Variants in TP73 observed in about 807,000 individuals in gnomAD.
The protein encoded by TP73 is p53-like transcription factor.
A neutral mutation model predicts 62.5 loss-of-function variants in TP73; 25 were observed. That is an observed-to-expected ratio of 0.40 (90% confidence interval 0.29 to 0.56). The LOEUF (loss-of-function observed/expected upper bound fraction) is 0.56. Among genes scored for constraint, TP73 ranks in the 20% least tolerant of loss-of-function variants. The pLI is 0.46. For synonymous variants in TP73, 423 were observed against 377.5 expected (o/e 1.12, Z -1.40); for missense variants, 754 against 913.3 (o/e 0.83, Z 2.25).
At chr1:3,730,850 T>C in intron 11 of TP73, 77 bp from the exon 12 acceptor site, 1 of 1,486,294 alleles carries the variant, frequency 6.7e-7, no homozygotes, top group Non-Finnish European at 9.0e-7. Flanking sequence ...TGTCCAGAGG[T>C]GTCTGGAGCC....
intron 13 of TP73, 117 bp from the exon 14 acceptor site, chr1:3,732,630 T>G (rs1386838710): frequency 2.2e-6 from 2 of 898,612 alleles, no homozygotes; most frequent in East Asian, 5.3e-5. Context: ...TCCTGCCTAC[T>G]CTGGTTGGGG....
chr1:3,732,637 G>T, intron 13 of TP73, 110 bp from the exon 14 acceptor site: 1 of 952,688 alleles, frequency 1.0e-6, no homozygotes, highest in African/African-American at 1.6e-5. Context: ...TACTCTGGTT[G>T]GGGGTGTAGG....
rs1570664256 is a variant in TP73, at chr1:3,733,382, T to G, written c.*303T>G. 2.2e-6 allele frequency: 1 copy of G among 459,060 alleles called. No individual in the cohort carries two copies. Among genetic ancestry groups the G allele is most frequent in the Non-Finnish European group, 3.9e-6 (1 of 255,408 alleles). The allele number at this position is 459,060 out of a possible 1,614,324, so 28.4% of individuals were successfully genotyped here. A position where few individuals can be genotyped will look rare whatever the true frequency, so the allele number is the denominator to read the frequency against. The stretch of plus-strand genomic sequence containing the variant: ...GCCCCGGCGTGCTCCATGGCAGGCG[T>G]GGGTGGGGACCGCAGCGTCGGCTCC... On this transcript the variant is annotated 3_prime_UTR_variant, in exon 14 of 14. Coordinates refer to ENST00000378295, the MANE Select transcript of TP73 (RefSeq NM_005427.4).
rs1301696177 is a variant in TP73 at position 3,701,325 on chromosome 1, C to T, written c.187-6224C>T. The stretch of plus-strand genomic sequence containing the variant: ...TCCTCGGCGGAGCCTGCCCAGCCGT[C>T]GTTCCTCCTGGCTGGGTTTTTGTGC... On this transcript the variant is annotated intron_variant, in intron 3 of 13. Coordinates refer to ENST00000378295, the MANE Select transcript of TP73 (RefSeq NM_005427.4). The surrounding 1 kb of genome is among the most constrained non-coding windows in gnomAD (Gnocchi z 4.7). Among the ~76,000 whole-genome samples, 4 of 152,118 alleles carry T rather than the reference C, an allele frequency of 2.6e-5. No individual in the cohort carries two copies. The highest frequency in any genetic ancestry group is 6.5e-5 in the Admixed American group (1 of 15,276).
chr1:3,669,200 C>T (rs1030121821), intron 1 of TP73, among the ~76,000 whole-genome samples: 9 of 152,230 alleles, frequency 5.9e-5, no homozygotes, highest in African/African-American at 2.2e-4. Context: ...CTCCTCTCGG[C>T]CTGAGTCGGG....
chr1:3,661,777 T>C (rs113478875), intron 1 of TP73, among the ~76,000 whole-genome samples: 13 of 148,042 alleles, frequency 8.8e-5, no homozygotes, highest in Admixed American at 8.1e-4. Context: ...ATATATAATA[T>C]GTATTATATA....
chr1:3,693,482 G>A (rs1231744595), intron 3 of TP73, among the ~76,000 whole-genome samples: 2 of 152,166 alleles, frequency 1.3e-5, no homozygotes, highest in Non-Finnish European at 2.9e-5. Flanking sequence ...TTCCAGGTGT[G>A]GGCTTGGGGT....
chr1:3,677,819 G>A (rs1295938264), intron 1 of TP73, among the ~76,000 whole-genome samples: 3 of 151,572 alleles, frequency 2.0e-5, no homozygotes, highest in African/African-American at 7.3e-5. Flanking sequence ...TCAGCACCCT[G>A]CGTGGTTTGG....
At chr1:3,717,851 G>T (rs1031443778) in intron 4 of TP73, among the ~76,000 whole-genome samples, 2 of 152,210 alleles carry the variant, frequency 1.3e-5, no homozygotes, top group Non-Finnish European at 2.9e-5. Flanking sequence ...ACCCAGCTCC[G>T]GCCCGGCTGG....
rs1249736024 is a variant in TP73, at chr1:3,672,981, C to T, written c.-33-9352C>T. Among the ~76,000 whole-genome samples the T allele has an allele frequency of 2.0e-5, 3 of 152,228 alleles. No individual in the cohort carries two copies. The highest frequency in any genetic ancestry group is 4.4e-5 in the Non-Finnish European group (3 of 68,030). On this transcript the variant is annotated intron_variant, in intron 1 of 13. Coordinates refer to ENST00000378295, the MANE Select transcript of TP73 (RefSeq NM_005427.4). The surrounding 1 kb of genome is among the most constrained non-coding windows in gnomAD (Gnocchi z 5.3). ...TGGGGCTGGGGTGCAGACTTCTCTT[C>T]CACCACCCACCCTCCTCATACCCAG... is the stretch of plus-strand genomic sequence containing the variant.
rs57492244 is a variant in TP73 at position 3,683,186 on chromosome 1, T to TG, written c.186+13dup. The stretch of plus-strand genomic sequence containing the variant: ...GCATGACTACATCTGTCATGGTGAG[T>TG]GGGGGGGCTGCCCTCTGCAAGAGGA... On this transcript the variant is annotated splice_region_variant and intron_variant, in intron 3 of 13. Transcript: ENST00000378295. The TG allele has an allele frequency of 3.8e-4, 609 of 1,600,574 alleles. No homozygotes were observed. The highest frequency in any genetic ancestry group is 8.3e-4 in the Middle Eastern group (5 of 6,022).
At chr1:3,712,866 C>T (rs1295300133) in intron 4 of TP73, among the ~76,000 whole-genome samples, 2 of 152,132 alleles carry the variant, frequency 1.3e-5, no homozygotes, top group Non-Finnish European at 2.9e-5. Flanking sequence ...TAACCTTGCC[C>T]TTGCAGCCCG....
intron 5 of TP73, 144 bp from the exon 6 acceptor site, chr1:3,723,210 C>G (rs1641240955): frequency 6.0e-6 from 4 of 667,068 alleles, no homozygotes; most frequent in Admixed American, 4.6e-5. Flanking sequence ...TTCTTTGAAC[C>G]TGGCACGGGG....
In TP73 at chr1:3,733,232, GC is replaced by G; in HGVS notation, c.*157del. 1 of 957,918 alleles carries G rather than the reference GC, an allele frequency of 1.0e-6. No individual in the cohort carries two copies. Among genetic ancestry groups the G allele is most frequent in the Non-Finnish European group, 1.5e-6 (1 of 664,440 alleles). 59.3% of individuals were successfully genotyped at this position (957,918 alleles called of 1,614,324 possible). A position where few individuals can be genotyped will look rare whatever the true frequency, so the allele number is the denominator to read the frequency against. The stretch of plus-strand genomic sequence containing the variant: ...CGGCCCATCCCCAGGCACCTCACAG[GC>G]CCCAGGAAAGGCCCAGCCACCGAAG... On this transcript the variant is annotated 3_prime_UTR_variant, in exon 14 of 14. Coordinates refer to ENST00000378295, the MANE Select transcript of TP73 (RefSeq NM_005427.4).
intron 6 of TP73, 57 bp downstream of exon 6, chr1:3,723,526 G>C: frequency 4.8e-6 from 4 of 841,616 alleles, no homozygotes; most frequent in Non-Finnish European, 8.0e-6. Flanking sequence ...CGGGTCGGGG[G>C]AGGGGTCCCC....
chr1:3,661,390 T>C (rs914308607), intron 1 of TP73, among the ~76,000 whole-genome samples: 1 of 152,134 alleles, frequency 6.6e-6, no homozygotes, highest in Non-Finnish European at 1.5e-5. Context: ...CAAAGAGAAA[T>C]GCAGAAAGTT....
intron 1 of TP73, among the ~76,000 whole-genome samples, chr1:3,675,877 C>T (rs1645353865): frequency 6.6e-6 from 1 of 152,152 alleles, no homozygotes; most frequent in African/African-American, 2.4e-5. Flanking sequence ...TCTGGTCTCC[C>T]ACCTCCTGTC....
At chr1:3,655,589 T>C (rs1644849048) in intron 1 of TP73, among the ~76,000 whole-genome samples, 1 of 152,234 alleles carries the variant, frequency 6.6e-6, no homozygotes, top group Non-Finnish European at 1.5e-5. Flanking sequence ...CTACTTTTCT[T>C]TTGAATTCCC....
chr1:3,678,226 A>G (rs1218788248), intron 1 of TP73, among the ~76,000 whole-genome samples: 1 of 152,266 alleles, frequency 6.6e-6, no homozygotes, highest in Non-Finnish European at 1.5e-5. Context: ...ATTAAAAGGC[A>G]AATGGTTGGG....
Sources: allele counts gnomAD v4.1 joint callset (sites outside exome capture counted in the v4.1 genomes callset), GRCh38; gene constraint gnomAD v4.1.1; non-coding constraint Gnocchi (gnomAD v3.1); transcripts MANE v1.5; gene names NCBI Gene and HGNC (gene_info 2026-07-23, HGNC 2026-07-21).